PLEKHA8: variants seen among roughly 807,000 people sequenced by gnomAD.
PLEKHA8 encodes the protein pleckstrin homology domain containing A8.
Under a neutral mutation model 68.2 loss-of-function variants are expected in PLEKHA8, and 36 were observed. That is an observed-to-expected ratio of 0.53 (90% CI 0.40 to 0.70). The LOEUF (loss-of-function observed/expected upper bound fraction) is 0.70. Among genes scored for constraint, PLEKHA8 ranks in the 30% least tolerant of loss-of-function variants. PLEKHA8 has a pLI of 0.00. For missense variants in PLEKHA8, 505 were observed against 615.4 expected (o/e 0.82, Z 1.90); for synonymous variants, 211 against 216.1 (o/e 0.98, Z 0.20).
intron 1 of PLEKHA8, among the ~76,000 whole-genome samples, chr7:30,038,621 A>C (rs548081836): frequency 6.7e-6 from 1 of 150,286 alleles, no homozygotes; most frequent in South Asian, 2.1e-4. Context: ...TTAAAGGACT[A>C]TGCATTTATC....
intron 13 of PLEKHA8, among the ~76,000 whole-genome samples, chr7:30,115,558 GTAGACATATGTATACATGCACGTA>G (rs1796414669): frequency 2.0e-5 from 1 of 50,490 alleles, no homozygotes; most frequent in African/African-American, 4.1e-5. Flanking sequence ...ACGTATACAT[GTAGACATATGTATACATGCACGTA>G]TACATGTAGA....
At chr7:30,053,611 G>A (rs996686852) in intron 7 of PLEKHA8, among the ~76,000 whole-genome samples, 4 of 152,154 alleles carry the variant, frequency 2.6e-5, no homozygotes, top group African/African-American at 9.7e-5. Context: ...AAATAATAAA[G>A]ACAGAAGAAA....
At chr7:30,102,321 C>T (rs1302642448) in intron 13 of PLEKHA8, among the ~76,000 whole-genome samples, 2 of 152,174 alleles carry the variant, frequency 1.3e-5, no homozygotes, top group African/African-American at 4.8e-5. Context: ...AATGTCTTGT[C>T]CATTGCTGGA....
At chr7:30,039,756 A>G (rs1243791388) in intron 1 of PLEKHA8, among the ~76,000 whole-genome samples, 1 of 152,098 alleles carries the variant, frequency 6.6e-6, no homozygotes, top group Non-Finnish European at 1.5e-5. Flanking sequence ...ATATAAGAGC[A>G]TGTCTGTGAG....
chr7:30,100,427 C>G (rs1795807436), intron 13 of PLEKHA8, among the ~76,000 whole-genome samples: 1 of 152,014 alleles, frequency 6.6e-6, no homozygotes, highest in South Asian at 2.1e-4. Context: ...TGGTGTACAC[C>G]TGTGGTCCCA....
chr7:30,107,590 G>T (rs1385262553), intron 13 of PLEKHA8, among the ~76,000 whole-genome samples: 1 of 152,006 alleles, frequency 6.6e-6, no homozygotes, highest in Non-Finnish European at 1.5e-5. Context: ...ATGCTGAATA[G>T]AAGTGGCCAT....
At chr7:30,076,691 A>C (rs2041429588) in intron 13 of PLEKHA8, among the ~76,000 whole-genome samples, 1 of 152,206 alleles carries the variant, frequency 6.6e-6, no homozygotes, top group African/African-American at 2.4e-5. Context: ...TTTTAAGAAA[A>C]TAGATTATGT....
rs796801365 is a variant in PLEKHA8 at position 30,108,067 on chromosome 7, C to CAAAAAAAAAAAAA, written c.1363-21186_1363-21174dup. On this transcript the variant is annotated intron_variant, in intron 13 of 13. Coordinates refer to the PLEKHA8 transcript ENST00000396257. Reference sequence around the variant, plus strand: ...CTGGGCAAAAAGCAAAACTCCATCTCAAAAAAAAAAAAAAAAAAAAAAAAA... The same window carrying CAAAAAAAAAAAAA: ...CTGGGCAAAAAGCAAAACTCCATCTCAAAAAAAAAAAAAAAAAAAAAAAAAAAAAAAAAAAAAA... Among the ~76,000 whole-genome samples, 67 of 52,824 alleles carry CAAAAAAAAAAAAA rather than the reference C, an allele frequency of 1.3e-3. 3 individuals carry two copies. Among genetic ancestry groups the CAAAAAAAAAAAAA allele is most frequent in the East Asian group, 0.011 (14 of 1,308 alleles). The allele number at this position is 52,824 out of a possible 152,430, so 34.7% of individuals were successfully genotyped here.
downstream of PLEKHA8, among the ~76,000 whole-genome samples, chr7:30,095,587 G>A (rs1391051500): frequency 1.3e-5 from 2 of 152,242 alleles, no homozygotes; most frequent in Admixed American, 1.3e-4. Context: ...TTTTAGACAT[G>A]AAGTCATGGC....
chr7:30,068,988 A>G (rs1358531079), intron 12 of PLEKHA8, among the ~76,000 whole-genome samples: 1 of 151,734 alleles, frequency 6.6e-6, no homozygotes, highest in East Asian at 1.9e-4. Flanking sequence ...TCTTTTCCCC[A>G]CTTGTATGTA....
At chr7:30,111,762 G>A (rs1476303448) in intron 13 of PLEKHA8, among the ~76,000 whole-genome samples, 2 of 151,802 alleles carry the variant, frequency 1.3e-5, no homozygotes, top group African/African-American at 4.8e-5. Flanking sequence ...TGGGACTACC[G>A]GTGCATGCCA....
chr7:30,108,313 C>A (rs145131561), intron 13 of PLEKHA8, among the ~76,000 whole-genome samples: 143 of 151,948 alleles, frequency 9.4e-4, no homozygotes, highest in African/African-American at 3.5e-3. Flanking sequence ...TTAATTTTTT[C>A]CTTCATATAC....
At chr7:30,056,891 G>A (rs1252275802) in intron 9 of PLEKHA8, among the ~76,000 whole-genome samples, 3 of 145,002 alleles carry the variant, frequency 2.1e-5, no homozygotes, top group Admixed American at 7.0e-5. Flanking sequence ...TAAATTATAT[G>A]TAATTTATAT....
intron 2 of PLEKHA8, 40 bp from the exon 3 acceptor site, chr7:30,046,170 G>C: frequency 6.6e-7 from 1 of 1,510,436 alleles, no homozygotes; most frequent in Non-Finnish European, 8.9e-7. Context: ...CCCAGACAGG[G>C]CTCTTCTGAG....
chr7:30,074,854 G>T (rs558903831), intron 13 of PLEKHA8, among the ~76,000 whole-genome samples: 1 of 152,256 alleles, frequency 6.6e-6, no homozygotes, highest in South Asian at 2.1e-4. Context: ...GTTTAACTAG[G>T]AAGAACACAA....
At chr7:30,064,361 A>T (rs1031858158) in intron 12 of PLEKHA8, among the ~76,000 whole-genome samples, 1 of 152,168 alleles carries the variant, frequency 6.6e-6, no homozygotes, top group African/African-American at 2.4e-5. Context: ...AGACCAGCCT[A>T]TGCAACACGG....
intron 13 of PLEKHA8, chr7:30,116,054 A>G (rs555837716): frequency 6.2e-5 from 9 of 144,252 alleles, no homozygotes; most frequent in Admixed American, 2.0e-4. Flanking sequence ...ACGCATACAT[A>G]CGTATGCATA....
At chr7:30,036,474 GAAAT>G (rs1413840448) in intron 1 of PLEKHA8, among the ~76,000 whole-genome samples, 8 of 151,708 alleles carry the variant, frequency 5.3e-5, no homozygotes, top group Admixed American at 2.0e-4. Flanking sequence ...ATTAGATAGA[GAAAT>G]AATGCCCAGA....
intron 1 of PLEKHA8, among the ~76,000 whole-genome samples, chr7:30,041,247 T>G (rs953091199): frequency 1.3e-5 from 2 of 152,162 alleles, no homozygotes; most frequent in Non-Finnish European, 2.9e-5. Context: ...CTGCAAGAAT[T>G]TTGTGCTTAT....
Sources: allele counts gnomAD v4.1 joint callset (sites outside exome capture counted in the v4.1 genomes callset), GRCh38; gene constraint gnomAD v4.1.1; transcripts MANE v1.5; gene names NCBI Gene and HGNC (gene_info 2026-07-23, HGNC 2026-07-21).